The following POMT2 variants were observed in gnomAD, a reference collection of about 807,000 sequenced individuals.
The protein encoded by POMT2 is protein O-mannosyltransferase 2.
Under a neutral mutation model 100.0 loss-of-function variants are expected in POMT2, and 75 were observed. The ratio of observed to expected loss-of-function variants is 0.75; its 90% confidence interval spans 0.62 to 0.91. The LOEUF (loss-of-function observed/expected upper bound fraction) is 0.91, where lower values mean the gene tolerates loss of function less well. Ranked by LOEUF, POMT2 falls within the 40% of genes least tolerant of loss-of-function variation. The probability of loss-of-function intolerance (pLI) is 0.00; values close to 1 mark genes in which losing one functional copy is unlikely to be tolerated. For missense variants in POMT2, 940 were observed against 955.1 expected, an observed-to-expected ratio of 0.98 and a Z score of 0.21; for synonymous variants, 378 against 374.1, an observed-to-expected ratio of 1.01 and a Z score of -0.12.
intron 12 of POMT2, 129 bp downstream of exon 12, chr14:77,286,615 G>T: frequency 7.3e-7 from 1 of 1,367,840 alleles, no homozygotes; most frequent in East Asian, 2.4e-5. Flanking sequence ...CAAATGTTAA[G>T]AGAGTCCCTG....
In POMT2 at chr14:77,275,359, G is replaced by A. The variant is rs181244931; in HGVS notation, c.*2017C>T. ...CAGTGCAGCCTAATTGGGAGGGAGG[G>A]ATGGGTAGAGGCTGGCTGGGCTTCT... On this transcript the variant is annotated 3_prime_UTR_variant, in exon 21 of 21. Transcript: ENST00000261534. 6.6e-6 allele frequency: 1 copy of A among 152,266 alleles called. No homozygotes were observed. Among genetic ancestry groups the A allele is most frequent in the African/African-American group, 2.4e-5 (1 of 41,580 alleles). The allele number at this position is 152,266 out of a possible 1,614,324, so 9.4% of individuals were successfully genotyped here.
chr14:77,279,458 C>T (rs1180519748), intron 18 of POMT2: 2 of 473,910 alleles, frequency 4.2e-6, no homozygotes, highest in Non-Finnish European at 8.3e-6. Context: ...AGATGGGCAG[C>T]TCTGTACACA....
chr14:77,291,568 C>A (rs1268330221), intron 9 of POMT2, 188 bp from the exon 10 acceptor site: 6 of 708,886 alleles, frequency 8.5e-6, no homozygotes, highest in Non-Finnish European at 1.4e-5. Flanking sequence ...GAGTGAGATT[C>A]TCTCCTTCCT....
At chr14:77,300,798 T>C (rs1891004628) in intron 6 of POMT2, 1 of 362,910 alleles carries the variant, frequency 2.8e-6, no homozygotes, top group South Asian at 2.3e-5. Context: ...CCAGCCTGGG[T>C]AACAGAGTGA....
chr14:77,307,121 T>C (rs1027100990), intron 2 of POMT2, among the ~76,000 whole-genome samples: 1 of 152,240 alleles, frequency 6.6e-6, no homozygotes, highest in Non-Finnish European at 1.5e-5. Context: ...GTCTTTTGTA[T>C]ATTTCCTTGG....
chr14:77,312,698 C>G (rs1464513582), intron 1 of POMT2: 1 of 151,878 alleles, frequency 6.6e-6, no homozygotes, highest in Non-Finnish European at 1.5e-5. Flanking sequence ...CTAGTGTAAA[C>G]AAAAATTTAA....
In POMT2 at chr14:77,301,412, G is replaced by A. The variant is rs150195708; in HGVS notation, c.657-163C>T. On this transcript the variant is annotated intron_variant, in intron 5 of 20. Transcript: ENST00000261534. ...CATGGCGTGGCTCCATGGAGGAGGC[G>A]GCCTGTGAAACCCCTGGAACGGCAG... Among the ~76,000 whole-genome samples, 70 of 152,312 alleles carry A rather than the reference G, an allele frequency of 4.6e-4. 1 individual carries two copies. Among genetic ancestry groups the A allele is most frequent in the Admixed American group, 3.3e-3 (51 of 15,302 alleles).
rs1267206303 is a variant in POMT2, at chr14:77,276,579, G to A, written c.*797C>T. The stretch of plus-strand genomic sequence containing the variant: ...ACCTGGCCTCTGGCACACAGGGCCT[G>A]GGAACACTGAGCAGCCCAGGATAGG... On this transcript the variant is annotated 3_prime_UTR_variant, in exon 21 of 21. Coordinates refer to ENST00000261534, the MANE Select transcript of POMT2 (RefSeq NM_013382.7). 1 of 152,352 alleles carries A rather than the reference G, an allele frequency of 6.6e-6. No homozygotes were observed. Among genetic ancestry groups the A allele is most frequent in the Non-Finnish European group, 1.5e-5 (1 of 68,108 alleles). 9.4% of individuals were successfully genotyped at this position (152,352 alleles called of 1,614,324 possible). A position where few individuals can be genotyped will look rare whatever the true frequency, so the allele number is the denominator to read the frequency against.
chr14:77,320,137 G>T (rs1021650354), intron 1 of POMT2, among the ~76,000 whole-genome samples: 2 of 152,144 alleles, frequency 1.3e-5, no homozygotes, highest in Non-Finnish European at 2.9e-5. Context: ...TTGGAAAGTT[G>T]AAAGCACCTT....
intron 1 of POMT2, among the ~76,000 whole-genome samples, chr14:77,313,755 T>A (rs142522039): frequency 0.019 from 2,963 of 152,362 alleles, 46 homozygotes; most frequent in Middle Eastern, 0.071. Flanking sequence ...TTGCCCAGGC[T>A]GGAGTACATG....
chr14:77,299,547 T>C lies in POMT2; in HGVS notation c.831A>G (p.Lys277=), dbSNP rs1311616949. The C allele has an allele frequency of 6.2e-7, 1 of 1,613,866 alleles. No homozygotes were observed. Among genetic ancestry groups the C allele is most frequent in the Non-Finnish European group, 8.5e-7 (1 of 1,179,940 alleles). The change falls in exon 7 of 21, where the codon AAA becomes AAG. Residue 277 remains lysine (K), a synonymous_variant. Transcript: ENST00000261534. ...DLSLSLVTVG[K]HLTARVLCLI... ...GGCACAGGACACGAGCAGTCAGGTG[T>C]TTTCCCACAGTCACCTGCAAACAGA...
chr14:77,311,086 T>C (rs1050828935), intron 2 of POMT2, among the ~76,000 whole-genome samples: 1 of 152,320 alleles, frequency 6.6e-6, no homozygotes, highest in East Asian at 1.9e-4. Flanking sequence ...TGAGCCAAGA[T>C]TGTACCATTG....
In POMT2 at chr14:77,278,637, G is replaced by A. The variant is rs777048721; in HGVS notation, c.2032+92C>T. On this transcript the variant is annotated intron_variant, in intron 19 of 20. Coordinates refer to ENST00000261534, the MANE Select transcript of POMT2 (RefSeq NM_013382.7). ...CACTGCTGCCCCACAGTGGCCTCCC[G>A]TCAAGGAGCAGAGTCACTCCCAGCA... The A allele has an allele frequency of 4.0e-5, 63 of 1,558,190 alleles. No individual in the cohort carries two copies. The Middle Eastern group carries it at 5.0e-4, about 12-fold the overall frequency.
intron 2 of POMT2, among the ~76,000 whole-genome samples, chr14:77,310,527 T>G (rs568207969): frequency 1.3e-5 from 2 of 152,284 alleles, no homozygotes; most frequent in East Asian, 3.9e-4. Flanking sequence ...AGAGCCAATT[T>G]TGAAATAGGC....
intron 2 of POMT2, among the ~76,000 whole-genome samples, chr14:77,308,231 CAA>C (rs937049218): frequency 7.9e-5 from 12 of 151,542 alleles, no homozygotes; most frequent in African/African-American, 2.9e-4. Context: ...AAAAAAATGA[CAA>C]ATTCATAGAA....
At chr14:77,297,198 A>G (rs1890863894) in intron 8 of POMT2, among the ~76,000 whole-genome samples, 1 of 152,246 alleles carries the variant, frequency 6.6e-6, no homozygotes, top group African/African-American at 2.4e-5. Flanking sequence ...GTTCTCAGGC[A>G]GGCCAACCTC....
chr14:77,297,323 C>A (rs1282361866), intron 8 of POMT2, among the ~76,000 whole-genome samples: 1 of 152,222 alleles, frequency 6.6e-6, no homozygotes. Flanking sequence ...CCTAATTCCT[C>A]CTCCTCTTGC....
intron 11 of POMT2, chr14:77,287,327 C>G (rs964450105): frequency 6.5e-6 from 1 of 153,080 alleles, no homozygotes; most frequent in Non-Finnish European, 1.5e-5. Flanking sequence ...TATAACAACT[C>G]TCACTTTTAT....
At chr14:77,299,864 T>A in intron 6 of POMT2, 1 of 381,168 alleles carries the variant, frequency 2.6e-6, no homozygotes, top group Non-Finnish European at 5.1e-6. Context: ...ACCAGTCCGC[T>A]CCATGTTCCA....
Sources: gnomAD v4.1 joint callset for allele counts (sites outside exome capture counted in the v4.1 genomes callset) on GRCh38, gnomAD v4.1.1 for gene constraint, MANE v1.5 for transcripts, NCBI Gene and HGNC (gene_info 2026-07-23, HGNC 2026-07-21) for gene names.